Variants in B3GALT1 observed in about 807,000 individuals in gnomAD.
The protein encoded by B3GALT1 is UDP-Gal:betaGlcNAc beta 1,3-galactosyltransferase, polypeptide 1.
B3GALT1 carries 10 observed loss-of-function variants against 23.2 expected under a neutral mutation model. The observed-to-expected ratio is 0.43, with a 90% CI of 0.27 to 0.73. B3GALT1 has a LOEUF of 0.73. Ranked by LOEUF, B3GALT1 falls within the 30% of genes least tolerant of loss-of-function variation. The pLI, the probability that B3GALT1 is intolerant of heterozygous loss-of-function variation, is 0.21. For missense variants in B3GALT1, 299 were observed against 405.4 expected (o/e 0.74, Z 2.25); for synonymous variants, 156 against 141.5 (o/e 1.10, Z -0.73).
chr2:167,684,559 G>T (rs1686585233), intron 3 of B3GALT1, among the ~76,000 whole-genome samples: 3 of 152,140 alleles, frequency 2.0e-5, no homozygotes, highest in Non-Finnish European at 4.4e-5. Flanking sequence ...AGTCCAAAAA[G>T]ATAGTCTTCA....
intron 3 of B3GALT1, among the ~76,000 whole-genome samples, chr2:167,695,378 C>T (rs1218237270): frequency 6.6e-6 from 1 of 152,064 alleles, no homozygotes; most frequent in African/African-American, 2.4e-5. Flanking sequence ...AAAGTTTTTA[C>T]CATAACACTC....
At chr2:167,607,807 G>A (rs1046440281) in intron 2 of B3GALT1, among the ~76,000 whole-genome samples, 3 of 152,138 alleles carry the variant, frequency 2.0e-5, no homozygotes, top group Non-Finnish European at 2.9e-5. Flanking sequence ...AACTCTTAGG[G>A]CTGAGCAATG....
intron 1 of B3GALT1, among the ~76,000 whole-genome samples, chr2:167,365,192 C>T (rs1206967744): frequency 2.0e-5 from 3 of 152,094 alleles, no homozygotes; most frequent in Non-Finnish European, 2.9e-5. Context: ...GAACTAGAGA[C>T]TTGCATTTAG....
At chr2:167,553,474 C>A (rs1683785604) in intron 2 of B3GALT1, among the ~76,000 whole-genome samples, 1 of 151,852 alleles carries the variant, frequency 6.6e-6, no homozygotes, top group Non-Finnish European at 1.5e-5. Flanking sequence ...ATTTATGGGA[C>A]CCCTGGCTAC....
intron 3 of B3GALT1, among the ~76,000 whole-genome samples, chr2:167,690,898 G>A (rs923110026): frequency 2.0e-5 from 3 of 151,984 alleles, no homozygotes; most frequent in Non-Finnish European, 4.4e-5. Context: ...AAGCAGGTGC[G>A]CCTTTGTTTA....
chr2:167,402,678 C>T (rs917457461), intron 1 of B3GALT1, among the ~76,000 whole-genome samples: 2 of 152,006 alleles, frequency 1.3e-5, no homozygotes, highest in African/African-American at 4.8e-5. Context: ...ATAATACAAC[C>T]AGTAAGCAGC....
intron 2 of B3GALT1, among the ~76,000 whole-genome samples, chr2:167,617,485 G>A (rs1014289545): frequency 5.9e-5 from 9 of 152,058 alleles, no homozygotes; most frequent in African/African-American, 9.6e-5. Context: ...TTCCACTCCC[G>A]CCTATACAGA....
Position 167,404,051 on chromosome 2 carries a change from G to A in B3GALT1, c.-510-86126G>A, listed in dbSNP as rs140565215. On this transcript the variant is annotated intron_variant, in intron 1 of 4. Coordinates refer to ENST00000392690, the MANE Select transcript of B3GALT1 (RefSeq NM_020981.4). ...GGTTTATTTTGCTCACAGTTCTTCAGGCTGTACAAGAAGCATGGCACCAGC... is the reference window on the plus strand; with the variant it reads ...GGTTTATTTTGCTCACAGTTCTTCAAGCTGTACAAGAAGCATGGCACCAGC... 4.9e-3 allele frequency among the ~76,000 whole-genome samples: 747 copies of A among 152,200 alleles called. 5 individuals are homozygous for A. The highest frequency in any genetic ancestry group is 0.017 in the African/African-American group (691 of 41,542).
chr2:167,855,086 T>C (rs1467841094), intron 4 of B3GALT1, among the ~76,000 whole-genome samples: 1 of 152,174 alleles, frequency 6.6e-6, no homozygotes, highest in Non-Finnish European at 1.5e-5. Flanking sequence ...TCATCCTCTG[T>C]GCAGTTTTCA....
At chr2:167,789,877 G>T (rs1688404029) in intron 3 of B3GALT1, among the ~76,000 whole-genome samples, 1 of 152,086 alleles carries the variant, frequency 6.6e-6, no homozygotes, top group Admixed American at 6.6e-5. Flanking sequence ...TTGGAACAGT[G>T]TCTTCAAATC....
At chr2:167,811,246 AT>A (rs1440487093) in intron 3 of B3GALT1, among the ~76,000 whole-genome samples, 1 of 152,208 alleles carries the variant, frequency 6.6e-6, no homozygotes, top group African/African-American at 2.4e-5. Context: ...GGCTTTACCT[AT>A]CTTTGTTTTC....
chr2:167,764,480 T>C (rs1337300902), intron 3 of B3GALT1, among the ~76,000 whole-genome samples: 1 of 152,186 alleles, frequency 6.6e-6, no homozygotes, highest in East Asian at 1.9e-4. Flanking sequence ...CCAGGAATAG[T>C]CCTACCTTGC....
intron 2 of B3GALT1, among the ~76,000 whole-genome samples, chr2:167,572,778 T>C (rs937769115): frequency 1.3e-5 from 2 of 151,780 alleles, no homozygotes; most frequent in Non-Finnish European, 3.0e-5. Flanking sequence ...TTTTTACTCC[T>C]AAGGTGACTA....
intron 1 of B3GALT1, among the ~76,000 whole-genome samples, chr2:167,451,729 A>G (rs1699095118): frequency 6.6e-6 from 1 of 152,154 alleles, no homozygotes; most frequent in Non-Finnish European, 1.5e-5. Context: ...AGGGAGGATC[A>G]GGCAGTGGGC....
At chr2:167,848,849 C>T (rs1034250871) in intron 4 of B3GALT1, among the ~76,000 whole-genome samples, 2 of 152,274 alleles carry the variant, frequency 1.3e-5, no homozygotes, top group African/African-American at 2.4e-5. Context: ...AAAACCCTAA[C>T]GACTCCTCCA....
intron 1 of B3GALT1, among the ~76,000 whole-genome samples, chr2:167,351,955 A>ATTTTTTTTTTTTTTTTTTTTTTTTTTT (rs71031283): frequency 7.4e-6 from 1 of 134,306 alleles, no homozygotes. Context: ...GCTGTTTTTG[A>ATTTTTTTTTTTTTTTTTTTTTTTTTTT]TTTTTTTTTT....
At chr2:167,333,381 T>C (rs1239998523) in intron 1 of B3GALT1, among the ~76,000 whole-genome samples, 5 of 152,174 alleles carry the variant, frequency 3.3e-5, no homozygotes, top group African/African-American at 9.7e-5. Context: ...ACCAGGAGAA[T>C]TGGTCAAAAT....
chr2:167,363,437 A>AT (rs1272467274), intron 1 of B3GALT1, among the ~76,000 whole-genome samples: 1 of 151,680 alleles, frequency 6.6e-6, no homozygotes, highest in African/African-American at 2.4e-5. Context: ...TTGATCATAC[A>AT]TTTTCTCAAC....
At chr2:167,670,801 C>T (rs1686311302) in intron 3 of B3GALT1, among the ~76,000 whole-genome samples, 1 of 151,924 alleles carries the variant, frequency 6.6e-6, no homozygotes, top group Admixed American at 6.5e-5. Flanking sequence ...CTAAATTAAA[C>T]AAAAGAAAGA....
Sources: gnomAD v4.1 joint callset for allele counts (sites outside exome capture counted in the v4.1 genomes callset) on GRCh38, gnomAD v4.1.1 for gene constraint, MANE v1.5 for transcripts, NCBI Gene and HGNC (gene_info 2026-07-23, HGNC 2026-07-21) for gene names.